The following DES variants were observed in gnomAD, a reference collection of about 807,000 sequenced individuals.
The protein encoded by DES is cardiomyopathy, dilated 1F (autosomal dominant).
In DES, 34 loss-of-function variants were observed where a neutral mutation model predicts 55.1. That is an observed-to-expected ratio of 0.62 (90% CI 0.47 to 0.82). The LOEUF (loss-of-function observed/expected upper bound fraction) is 0.82. DES is among the 40% of genes least tolerant of loss of function. The pLI, the probability that DES is intolerant of heterozygous loss-of-function variation, is 0.00. For missense variants in DES, 596 were observed against 645.9 expected (o/e 0.92, Z 0.84); for synonymous variants, 259 against 270.8 (o/e 0.96, Z 0.43).
At chr2:219,421,278 G>T in intron 5 of DES, 62 bp from the exon 6 acceptor site, 1 of 1,593,220 alleles carries the variant, frequency 6.3e-7, no homozygotes, top group Non-Finnish European at 8.6e-7. Context: ...CAGCCCCAAA[G>T]CTTTCTTTGG....
chr2:219,426,288 C>T lies in DES; in HGVS notation c.*298C>T, dbSNP rs988417423. On this transcript the variant is annotated 3_prime_UTR_variant, in exon 9 of 9. Transcript: ENST00000373960. The surrounding 1 kb of genome is among the most constrained non-coding windows in gnomAD (Gnocchi z 4.5). Reference sequence around the variant, plus strand: ...CCCAGGCGGGAGCGGTGGCCCTGTCCCTCCCACCTCTGTGACCTCAGGCAC... The same window carrying T: ...CCCAGGCGGGAGCGGTGGCCCTGTCTCTCCCACCTCTGTGACCTCAGGCAC... 1 of 558,310 alleles carries T rather than the reference C, an allele frequency of 1.8e-6. No homozygotes were observed. The highest frequency in any genetic ancestry group is 3.2e-6 in the Non-Finnish European group (1 of 308,454). 34.6% of individuals were successfully genotyped at this position (558,310 alleles called of 1,614,324 possible). A position where few individuals can be genotyped will look rare whatever the true frequency, so the allele number is the denominator to read the frequency against.
intron 6 of DES, among the ~76,000 whole-genome samples, chr2:219,423,211 C>T (rs2854898): frequency 3.0e-4 from 46 of 152,208 alleles, no homozygotes; most frequent in African/African-American, 8.9e-4. Flanking sequence ...CTCTGGAGGG[C>T]GCGGTGGGGT....
Position 219,420,399 on chromosome 2 carries a change from G to A in DES, c.735+53G>A, listed in dbSNP as rs1472663184. The A allele has an allele frequency of 1.1e-5, 17 of 1,612,624 alleles. No homozygotes were observed. In the South Asian group the frequency reaches 1.2e-4, roughly 11 times the overall value. On this transcript the variant is annotated intron_variant, in intron 3 of 8. Coordinates refer to ENST00000373960, the MANE Select transcript of DES (RefSeq NM_001927.4). The surrounding 1 kb of genome is among the most constrained non-coding windows in gnomAD (Gnocchi z 6.0). ...CACTGGGCCATGGGGAAAGCAGCCG[G>A]AAAGTGGGGTTGGGGTGAGGCTCTG...
Position 219,426,050 on chromosome 2 carries a change from G to A in DES, c.*60G>A. 1 of 1,596,092 alleles carries A rather than the reference G, an allele frequency of 6.3e-7. No homozygotes were observed. The highest frequency in any genetic ancestry group is 8.6e-7 in the Non-Finnish European group (1 of 1,165,144). ...ACCCCTGTCCTCACTGCTCCCTGAAGCCAGCCTTCTTCCATCCCAGGACAC... is the reference window on the plus strand; with the variant it reads ...ACCCCTGTCCTCACTGCTCCCTGAAACCAGCCTTCTTCCATCCCAGGACAC... On this transcript the variant is annotated 3_prime_UTR_variant, in exon 9 of 9. Coordinates refer to ENST00000373960, the MANE Select transcript of DES (RefSeq NM_001927.4). The surrounding 1 kb of genome is among the most constrained non-coding windows in gnomAD (Gnocchi z 4.5).
Position 219,419,971 on chromosome 2 carries a change from T to A in DES, c.579-124T>A. 9.8e-7 allele frequency: 1 copy of A among 1,017,896 alleles called. No homozygotes were observed. The highest frequency in any genetic ancestry group is 1.5e-6 in the Non-Finnish European group (1 of 652,294). The allele number at this position is 1,017,896 out of a possible 1,614,324, so 63.1% of individuals were successfully genotyped here. ...CTCTCCACTCCCTGTCTCTCCTGCCTCTACCCAGCAGCCAGGCCCTCCCGC... is the reference window on the plus strand; with the variant it reads ...CTCTCCACTCCCTGTCTCTCCTGCCACTACCCAGCAGCCAGGCCCTCCCGC... On this transcript the variant is annotated intron_variant, in intron 1 of 8. Coordinates refer to ENST00000373960, the MANE Select transcript of DES (RefSeq NM_001927.4). The surrounding 1 kb of genome is among the most constrained non-coding windows in gnomAD (Gnocchi z 4.3).
In DES at chr2:219,419,185, CTG is replaced by C. The variant is rs1207907070; in HGVS notation, c.578+151_578+152del. On this transcript the variant is annotated intron_variant, in intron 1 of 8. Transcript: ENST00000373960. The surrounding 1 kb of genome is among the most constrained non-coding windows in gnomAD (Gnocchi z 4.3). ...CCCATGTGGAGAAAGGGTCCTCCAC[CTG>C]TGTGTTTCAAGGGGCCGTGACCTCC... 1 of 1,453,874 alleles carries C rather than the reference CTG, an allele frequency of 6.9e-7. No individual in the cohort carries two copies. Among genetic ancestry groups the C allele is most frequent in the Admixed American group, 2.5e-5 (1 of 40,598 alleles). 90.1% of individuals were successfully genotyped at this position (1,453,874 alleles called of 1,614,324 possible).
In DES at chr2:219,426,583, G is replaced by C. The variant is rs1165990904; in HGVS notation, c.*593G>C. 5.8e-6 allele frequency: 1 copy of C among 172,390 alleles called. No individual in the cohort carries two copies. Among genetic ancestry groups the C allele is most frequent in the Non-Finnish European group, 1.3e-5 (1 of 78,828 alleles). 10.7% of individuals were successfully genotyped at this position (172,390 alleles called of 1,614,324 possible). ...GGAGGTGGGAGCAGGAGATTGAGAA[G>C]GAGAGAAAGTGGGTGAGATGCTGGA... is the stretch of plus-strand genomic sequence containing the variant. On this transcript the variant is annotated 3_prime_UTR_variant, in exon 9 of 9. Coordinates refer to ENST00000373960, the MANE Select transcript of DES (RefSeq NM_001927.4). The surrounding 1 kb of genome is among the most constrained non-coding windows in gnomAD (Gnocchi z 4.5).
rs61731508 is a variant in DES at position 219,421,342 on chromosome 2, C to T, written c.1026C>T (p.Asn342=). 3.7e-3 allele frequency: 6,042 copies of T among 1,614,016 alleles called. 209 individuals carry two copies. The African/African-American group carries it at 0.069, about 19-fold the overall frequency. Residue 342 remains asparagine (N), a splice_region_variant and synonymous_variant, in exon 6 of 9, where the codon AAC becomes AAT. Coordinates refer to ENST00000373960, the MANE Select transcript of DES (RefSeq NM_001927.4). The part of the protein sequence containing the change: ...TCEIDALKGT[N]DSLMRQMREL... ...CCTGGGTTCCCCCTCTCCTGCAGAA[C>T]GATTCCCTGATGAGGCAGATGCGGG...
intron 6 of DES, among the ~76,000 whole-genome samples, chr2:219,423,407 T>C (rs1263281362): frequency 6.6e-6 from 1 of 151,494 alleles, no homozygotes; most frequent in Non-Finnish European, 1.5e-5. Flanking sequence ...AGGGTGAGCC[T>C]TGATGGGCGG....
Position 219,420,679 on chromosome 2 carries a change from T to C in DES, c.897+23T>C. 1 of 1,613,984 alleles carries C rather than the reference T, an allele frequency of 6.2e-7. No homozygotes were observed. The highest frequency in any genetic ancestry group is 8.5e-7 in the Non-Finnish European group (1 of 1,179,962). On this transcript the variant is annotated intron_variant, in intron 4 of 8. Transcript: ENST00000373960. The surrounding 1 kb of genome is among the most constrained non-coding windows in gnomAD (Gnocchi z 6.0). ...AAGGTGGGTGGCCTCGCCCGGGGAC[T>C]GGCATCTCCGTCCCCCTGAATCCCA... is the stretch of plus-strand genomic sequence containing the variant.
At chr2:219,424,520 C>T (rs1475582000) in intron 7 of DES, among the ~76,000 whole-genome samples, 2 of 152,244 alleles carry the variant, frequency 1.3e-5, no homozygotes, top group East Asian at 3.8e-4. Flanking sequence ...AAAAAACACG[C>T]TGCGCTCCAG....
intron 6 of DES, among the ~76,000 whole-genome samples, chr2:219,422,429 G>A (rs1480724670): frequency 1.3e-5 from 2 of 150,582 alleles, no homozygotes; most frequent in Non-Finnish European, 3.0e-5. Context: ...AGGGACACCA[G>A]GGAACCTTGT....
In DES at chr2:219,426,135, G is replaced by A; in HGVS notation, c.*145G>A. On this transcript the variant is annotated 3_prime_UTR_variant, in exon 9 of 9. Transcript: ENST00000373960. This position sits in a 1 kb window ranked among gnomAD's most constrained non-coding sequence, Gnocchi z 4.5. The stretch of plus-strand genomic sequence containing the variant: ...GACCCCTCCTCACTGGCCATCCCTC[G>A]TGGTCCCCAACAGCGACATAGCCCA... 8 of 962,150 alleles carry A rather than the reference G, an allele frequency of 8.3e-6. No individual in the cohort carries two copies. Among genetic ancestry groups the A allele is most frequent in the Admixed American group, 2.0e-5 (1 of 50,314 alleles). The allele number at this position is 962,150 out of a possible 1,614,324, so 59.6% of individuals were successfully genotyped here.
chr2:219,425,675 A>G lies in DES; in HGVS notation c.1301A>G (p.Glu434Gly), dbSNP rs777575289. The G allele has an allele frequency of 1.9e-6, 3 of 1,581,874 alleles. No individual in the cohort carries two copies. Among genetic ancestry groups the G allele is most frequent in the East Asian group, 4.6e-5 (2 of 43,568 alleles). The change falls in exon 8 of 9, where the codon GAG becomes GGG. Residue 434 changes from glutamate to glycine, a missense_variant. Transcript: ENST00000373960. Reference sequence around the variant, plus strand: ...GACCCTGTTACAGAAACCAGCCCTGAGCAAAGGGGTTCTGAGGTCCATACC... The same window carrying G: ...GACCCTGTTACAGAAACCAGCCCTGGGCAAAGGGGTTCTGAGGTCCATACC... ...SALNFRETSP[E>G]QRGSEVHTKK...
At position 219,422,226 on chromosome 2, in the gene DES, C is replaced by T. The variant is rs188708588; in HGVS notation, c.1244+666C>T. Among the ~76,000 whole-genome samples, 376 of 151,880 alleles carry T rather than the reference C, an allele frequency of 2.5e-3. 2 individuals carry two copies. The highest frequency in any genetic ancestry group is 3.5e-3 in the Non-Finnish European group (238 of 67,960). Reference sequence around the variant, plus strand: ...GGGAAACGGAGGGAGCAGATAGAGGCAAATAGAGAGAGGGAGGGAGAGAAG... The same window carrying T: ...GGGAAACGGAGGGAGCAGATAGAGGTAAATAGAGAGAGGGAGGGAGAGAAG... On this transcript the variant is annotated intron_variant, in intron 6 of 8. Coordinates refer to ENST00000373960, the MANE Select transcript of DES (RefSeq NM_001927.4).
intron 7 of DES, among the ~76,000 whole-genome samples, chr2:219,424,507 G>GA (rs934425731): frequency 6.6e-6 from 1 of 151,764 alleles, no homozygotes; most frequent in Non-Finnish European, 1.5e-5. Flanking sequence ...TTTCCATCAG[G>GA]AAAAAAAACA....
rs1266698597 is a variant in DES at position 219,420,037 on chromosome 2, G to A, written c.579-58G>A. ...CCCCCTGGTCAGCCCCCGGCCAGTCGTTTCCACTGCCAGCTTTATCACCCG... is the reference window on the plus strand; with the variant it reads ...CCCCCTGGTCAGCCCCCGGCCAGTCATTTCCACTGCCAGCTTTATCACCCG... On this transcript the variant is annotated intron_variant, in intron 1 of 8. Transcript: ENST00000373960. The surrounding 1 kb of genome is among the most constrained non-coding windows in gnomAD (Gnocchi z 6.0). 20 of 1,600,982 alleles carry A rather than the reference G, an allele frequency of 1.2e-5. No individual in the cohort carries two copies. The highest frequency in any genetic ancestry group is 1.4e-5 in the Non-Finnish European group (16 of 1,168,446).
In DES at chr2:219,420,524, G is replaced by A. The variant is rs1232024780; in HGVS notation, c.765G>A (p.Gln255=). 8 of 1,613,978 alleles carry A rather than the reference G, an allele frequency of 5.0e-6. No homozygotes were observed. The highest frequency in any genetic ancestry group is 6.8e-6 in the Non-Finnish European group (8 of 1,180,018). ...TCCGTGAGTTGCAGGCTCAGCTTCA[G>A]GAACAGCAGGTCCAGGTGGAGATGG... ...EEIRELQAQL[Q]EQQVQVEMDM... Residue 255 remains glutamine (Q), a synonymous_variant, in exon 4 of 9, where the codon CAG becomes CAA. Transcript: ENST00000373960. The surrounding 1 kb of genome is among the most constrained non-coding windows in gnomAD (Gnocchi z 6.0).
In DES at chr2:219,420,193, C is replaced by G. The variant is rs773181078; in HGVS notation, c.639+38C>G. The G allele has an allele frequency of 6.2e-7, 1 of 1,614,178 alleles. No individual in the cohort carries two copies. The highest frequency in any genetic ancestry group is 1.1e-5 in the South Asian group (1 of 91,070). On this transcript the variant is annotated intron_variant, in intron 2 of 8. Transcript: ENST00000373960. The surrounding 1 kb of genome is among the most constrained non-coding windows in gnomAD (Gnocchi z 6.0). Reference sequence around the variant, plus strand: ...CTTTTCCCCTTGCATGGCCTCTGGCCTTGCTCTGCCCCACCTGGGTGGCGG... The same window carrying G: ...CTTTTCCCCTTGCATGGCCTCTGGCGTTGCTCTGCCCCACCTGGGTGGCGG...
Sources: allele counts gnomAD v4.1 joint callset (sites outside exome capture counted in the v4.1 genomes callset), GRCh38; gene constraint gnomAD v4.1.1; non-coding constraint Gnocchi (gnomAD v3.1); transcripts MANE v1.5; gene names NCBI Gene and HGNC (gene_info 2026-07-23, HGNC 2026-07-21).